The following RIN2 variants were observed in gnomAD, a reference collection of about 807,000 sequenced individuals.
The protein encoded by RIN2 is RAB5 interacting protein 2.
Under a neutral mutation model 78.0 loss-of-function variants are expected in RIN2, and 36 were observed. The observed-to-expected ratio is 0.46, with a 90% CI of 0.35 to 0.61. The LOEUF is 0.61. Ranked by LOEUF, RIN2 falls within the 20% of genes least tolerant of loss-of-function variation. RIN2 has a pLI of 0.00. For synonymous variants in RIN2, 466 were observed against 466.8 expected (o/e 1.00, Z 0.02); for missense variants, 1,087 against 1,159.7 (o/e 0.94, Z 0.91).
chr20:19,931,228 A>G (rs1203238412), intron 3 of RIN2, among the ~76,000 whole-genome samples: 3 of 152,230 alleles, frequency 2.0e-5, no homozygotes, highest in Non-Finnish European at 4.4e-5. Context: ...CTTTGTGTCT[A>G]TGTGTGTATC....
intron 2 of RIN2, among the ~76,000 whole-genome samples, chr20:19,857,934 T>G (rs562781172): frequency 6.6e-6 from 1 of 152,350 alleles, no homozygotes; most frequent in South Asian, 2.1e-4. Flanking sequence ...TTAAGCCTTT[T>G]GTTCTTTTGA....
At chr20:19,959,733 TGACA>T (rs1417892276) in intron 5 of RIN2, among the ~76,000 whole-genome samples, 1 of 152,062 alleles carries the variant, frequency 6.6e-6, no homozygotes, top group African/African-American at 2.4e-5. Context: ...TAAAGAAGCA[TGACA>T]GACAGAATAG....
intron 8 of RIN2, among the ~76,000 whole-genome samples, chr20:19,971,141 C>T (rs1568681234): frequency 6.6e-6 from 1 of 151,978 alleles, no homozygotes; most frequent in East Asian, 1.9e-4. Context: ...AGAGGCAGCA[C>T]TTGACAGAAA....
chr20:19,890,294 T>C (rs573309114), intron 3 of RIN2, among the ~76,000 whole-genome samples: 1 of 152,334 alleles, frequency 6.6e-6, no homozygotes, highest in South Asian at 2.1e-4. Flanking sequence ...ACTCTGTGTG[T>C]GTGTATTTAA....
intron 7 of RIN2, among the ~76,000 whole-genome samples, chr20:19,970,152 G>C (rs573572256): frequency 6.6e-6 from 1 of 152,334 alleles, no homozygotes; most frequent in East Asian, 1.9e-4. Flanking sequence ...TTCAAAGCCT[G>C]GTCCAGGGTC....
intron 7 of RIN2, among the ~76,000 whole-genome samples, chr20:19,968,777 C>T (rs1226580733): frequency 6.6e-6 from 1 of 152,162 alleles, no homozygotes; most frequent in African/African-American, 2.4e-5. Flanking sequence ...TTAAGTTGGT[C>T]CGGCCACACA....
At chr20:19,762,375 C>A (rs2033674277) in intron 1 of RIN2, among the ~76,000 whole-genome samples, 1 of 152,114 alleles carries the variant, frequency 6.6e-6, no homozygotes, top group South Asian at 2.1e-4. Flanking sequence ...AGTGGAGGAG[C>A]CTTCGGAAAG....
intron 9 of RIN2, among the ~76,000 whole-genome samples, chr20:19,978,089 C>G (rs2042337277): frequency 6.6e-6 from 1 of 152,018 alleles, no homozygotes; most frequent in South Asian, 2.1e-4. Flanking sequence ...TAGATTAGGC[C>G]TCTGACCAGA....
chr20:19,951,898 C>T (rs1204915325), intron 4 of RIN2, among the ~76,000 whole-genome samples: 2 of 152,208 alleles, frequency 1.3e-5, no homozygotes, highest in African/African-American at 4.8e-5. Context: ...CCTCTGTTCA[C>T]TGCCTTCCCT....
Position 19,889,619 on chromosome 20 carries a change from G to A in RIN2, c.18G>A (p.Met6Ile). 6.4e-7 allele frequency: 1 copy of A among 1,550,434 alleles called. No homozygotes were observed. Among genetic ancestry groups the A allele is most frequent in the Non-Finnish European group, 8.7e-7 (1 of 1,146,422 alleles). The change falls in exon 3 of 13, where the codon ATG becomes ATA. Residue 6 changes from methionine (M) to isoleucine (I), a missense_variant. Physicochemically the swap from Met to Ile is conservative, Grantham distance 10. This residue lies in a region of RIN2 where 706 missense variants were observed against 667.5 expected (regional missense o/e 1.06). Transcript: ENST00000255006. The stretch of plus-strand genomic sequence containing the variant: ...TGGGGGAAATGACAGCTTGGACCAT[G>A]GGCGCCCGCGGTCTGGACAAGCGAG... MTAWT[M>I]GARGLDKRGS...
rs568939380 is a variant in RIN2, at chr20:19,986,329, G to T, written c.1763-3677G>T. Among the ~76,000 whole-genome samples the T allele has an allele frequency of 3.3e-5, 5 of 152,190 alleles. No homozygotes were observed. In the South Asian group the frequency reaches 1.0e-3, roughly 32 times the overall value. ...TTTATGTTTATTAAGGATTTGGGGA[G>T]GGTGGGGAGGAGGAGTGGGATAAAC... is the stretch of plus-strand genomic sequence containing the variant. On this transcript the variant is annotated intron_variant, in intron 9 of 12. Transcript: ENST00000255006.
chr20:19,947,881 A>G (rs2041156726), intron 4 of RIN2, among the ~76,000 whole-genome samples: 1 of 152,254 alleles, frequency 6.6e-6, no homozygotes, highest in African/African-American at 2.4e-5. Context: ...CCGGCAAAGC[A>G]AGCAGGTGTT....
chr20:19,931,999 A>G (rs1220381919), intron 3 of RIN2, among the ~76,000 whole-genome samples: 1 of 152,188 alleles, frequency 6.6e-6, no homozygotes, highest in African/African-American at 2.4e-5. Context: ...ATTGCTTTCC[A>G]AAGTAGCTCT....
chr20:19,774,645 A>G (rs1474953903), intron 1 of RIN2, among the ~76,000 whole-genome samples: 1 of 152,222 alleles, frequency 6.6e-6, no homozygotes, highest in African/African-American at 2.4e-5. Context: ...TTGGGTACCA[A>G]TTGTGTTGTC....
At chr20:19,953,414 G>A (rs944769439) in intron 4 of RIN2, among the ~76,000 whole-genome samples, 18 of 151,344 alleles carry the variant, frequency 1.2e-4, no homozygotes, top group African/African-American at 9.7e-5. Context: ...GATTACAGGC[G>A]TGAGCCACTG....
At chr20:19,843,511 C>T (rs114318552) in intron 2 of RIN2, among the ~76,000 whole-genome samples, 1,783 of 152,258 alleles carry the variant, frequency 0.012, 11 homozygotes, top group Non-Finnish European at 0.014. Flanking sequence ...CCCAGATGAT[C>T]GTTAGTATTT....
chr20:19,802,129 A>C (rs2035260879), intron 2 of RIN2, among the ~76,000 whole-genome samples: 1 of 152,226 alleles, frequency 6.6e-6, no homozygotes, highest in Non-Finnish European at 1.5e-5. Flanking sequence ...ACATTTAATC[A>C]TCACGACAGC....
chr20:19,943,446 G>C (rs1600888232), intron 4 of RIN2, among the ~76,000 whole-genome samples: 1 of 152,168 alleles, frequency 6.6e-6, no homozygotes, highest in Non-Finnish European at 1.5e-5. Flanking sequence ...GTCCTACTGT[G>C]ACATGCTCTT....
intron 4 of RIN2, among the ~76,000 whole-genome samples, chr20:19,939,930 T>G (rs2040798241): frequency 6.6e-6 from 1 of 151,942 alleles, no homozygotes; most frequent in African/African-American, 2.4e-5. Context: ...ATTGGCTCAC[T>G]GCAACCTCCA....
Sources: gnomAD v4.1 joint callset for allele counts (sites outside exome capture counted in the v4.1 genomes callset) on GRCh38, gnomAD v4.1.1 for gene constraint, gnomAD v4.1.1 regional missense constraint, MANE v1.5 for transcripts, NCBI Gene and HGNC (gene_info 2026-07-23, HGNC 2026-07-21) for gene names.